PAK5: variants seen among roughly 807,000 people sequenced by gnomAD.
PAK5 encodes serine/threonine-protein kinase PAK 5.
A neutral mutation model predicts 65.9 loss-of-function variants in PAK5; 16 were observed. The ratio of observed to expected loss-of-function variants is 0.24; its 90% CI spans 0.16 to 0.37. The LOEUF is 0.37. Among genes scored for constraint, PAK5 ranks in the 10% least tolerant of loss-of-function variants. The pLI is 1.00. For missense variants in PAK5, 785 were observed against 903.9 expected (o/e 0.87, Z 1.69); for synonymous variants, 371 against 354.9 (o/e 1.05, Z -0.51).
intron 1 of PAK5, among the ~76,000 whole-genome samples, chr20:9,746,314 T>C (rs2048507474): frequency 6.6e-6 from 1 of 152,114 alleles, no homozygotes; most frequent in African/African-American, 2.4e-5. Context: ...ATCACCTACA[T>C]CCCTGCCCAG....
chr20:9,593,806 A>ATC (rs140675565), intron 3 of PAK5, among the ~76,000 whole-genome samples: 35 of 147,520 alleles, frequency 2.4e-4, no homozygotes, highest in Middle Eastern at 7.4e-3. Flanking sequence ...TATCCCAAGG[A>ATC]TCTCTCTCTC....
chr20:9,797,884 T>C (rs888230104), intron 1 of PAK5, among the ~76,000 whole-genome samples: 1 of 151,948 alleles, frequency 6.6e-6, no homozygotes, highest in African/African-American at 2.4e-5. Context: ...AAATAAAGGA[T>C]TCATCAGTAT....
At chr20:9,784,733 G>C (rs1258334851) in intron 1 of PAK5, among the ~76,000 whole-genome samples, 1 of 151,620 alleles carries the variant, frequency 6.6e-6, no homozygotes, top group Non-Finnish European at 1.5e-5. Flanking sequence ...GAAGACATCA[G>C]ACATAGATGG....
At chr20:9,609,431 C>G (rs953260419) in intron 3 of PAK5, among the ~76,000 whole-genome samples, 2 of 152,196 alleles carry the variant, frequency 1.3e-5, no homozygotes, top group Non-Finnish European at 2.9e-5. Context: ...GAGGGCAAAA[C>G]ATAAGTGTGA....
chr20:9,725,736 T>C (rs2048269289), intron 1 of PAK5, among the ~76,000 whole-genome samples: 1 of 152,136 alleles, frequency 6.6e-6, no homozygotes, highest in Non-Finnish European at 1.5e-5. Context: ...AAGGAAGACA[T>C]TGATGAGCAA....
At chr20:9,707,192 T>TA (rs1343220020) in intron 2 of PAK5, among the ~76,000 whole-genome samples, 2 of 152,076 alleles carry the variant, frequency 1.3e-5, no homozygotes, top group Non-Finnish European at 2.9e-5. Context: ...AGTGCAGTGG[T>TA]ATGATCACAG....
At chr20:9,568,090 C>T (rs13040618) in intron 4 of PAK5, among the ~76,000 whole-genome samples, 28,767 of 151,962 alleles carry the variant, frequency 0.19, 3,056 homozygotes, top group African/African-American at 0.29. Context: ...GAGAAGCTGC[C>T]GGGGGACAGA....
At chr20:9,618,929 T>TG (rs2046719103) in intron 3 of PAK5, among the ~76,000 whole-genome samples, 2 of 106,484 alleles carry the variant, frequency 1.9e-5, no homozygotes, top group Admixed American at 1.9e-4. Context: ...TTTTTTTTTT[T>TG]TTTTTTTTTT....
chr20:9,666,131 G>C (rs560003248), intron 2 of PAK5, among the ~76,000 whole-genome samples: 4 of 152,248 alleles, frequency 2.6e-5, no homozygotes, highest in Non-Finnish European at 5.9e-5. Context: ...GAAAAGTAGA[G>C]TTCAGCACTA....
chr20:9,760,491 A>G (rs1440741394), intron 1 of PAK5, among the ~76,000 whole-genome samples: 1 of 151,798 alleles, frequency 6.6e-6, no homozygotes, highest in Non-Finnish European at 1.5e-5. Context: ...CATTAATTCT[A>G]CAAATCTACT....
chr20:9,585,212 A>G (rs2046048334), intron 3 of PAK5, among the ~76,000 whole-genome samples: 1 of 152,150 alleles, frequency 6.6e-6, no homozygotes, highest in Admixed American at 6.5e-5. Context: ...ATGCCTTCCC[A>G]TCTCTGAATA....
intron 1 of PAK5, among the ~76,000 whole-genome samples, chr20:9,786,313 C>A (rs1383610496): frequency 1.3e-5 from 2 of 152,032 alleles, no homozygotes; most frequent in African/African-American, 4.8e-5. Flanking sequence ...TTCACAGTAT[C>A]TTCCATACTG....
intron 4 of PAK5, chr20:9,577,316 T>TA (rs1177835206): frequency 6.7e-6 from 1 of 150,192 alleles, no homozygotes; most frequent in Non-Finnish European, 1.5e-5. Flanking sequence ...CATTGAAGGA[T>TA]TTTTTTTTTC....
intron 3 of PAK5, among the ~76,000 whole-genome samples, chr20:9,586,211 A>T (rs932176972): frequency 6.6e-6 from 1 of 152,182 alleles, no homozygotes; most frequent in Non-Finnish European, 1.5e-5. Flanking sequence ...TGGGGGGTAG[A>T]CTGTTAGTGT....
rs192713551 is a variant in PAK5, at chr20:9,539,175, C to T, written c.*287G>A. On this transcript the variant is annotated 3_prime_UTR_variant, in exon 10 of 10. Transcript: ENST00000353224. Reference sequence around the variant, plus strand: ...TGCATGTGGCTAGGATATATCATAACGGAGTTTGTACTGAGTCCTTCTGAT... The same window carrying T: ...TGCATGTGGCTAGGATATATCATAATGGAGTTTGTACTGAGTCCTTCTGAT... 21 of 291,166 alleles carry T rather than the reference C, an allele frequency of 7.2e-5. No individual in the cohort carries two copies. Among genetic ancestry groups the T allele is most frequent in the South Asian group, 1.1e-4 (1 of 9,108 alleles). The allele number at this position is 291,166 out of a possible 1,614,324, so 18.0% of individuals were successfully genotyped here. A position where few individuals can be genotyped will look rare whatever the true frequency, so the allele number is the denominator to read the frequency against.
intron 3 of PAK5, among the ~76,000 whole-genome samples, chr20:9,612,964 A>G (rs1192204798): frequency 6.6e-6 from 1 of 152,146 alleles, no homozygotes; most frequent in African/African-American, 2.4e-5. Context: ...AATCCCTATT[A>G]CCTAGAACAG....
intron 1 of PAK5, among the ~76,000 whole-genome samples, chr20:9,774,079 GT>G (rs1222100412): frequency 6.6e-6 from 1 of 152,188 alleles, no homozygotes; most frequent in African/African-American, 2.4e-5. Context: ...GCTTACTATG[GT>G]AAATGCTTTC....
At chr20:9,598,834 A>G (rs1308346263) in intron 3 of PAK5, among the ~76,000 whole-genome samples, 1 of 152,164 alleles carries the variant, frequency 6.6e-6, no homozygotes, top group Non-Finnish European at 1.5e-5. Flanking sequence ...ATTTGAATAA[A>G]TGCTTATTGT....
intron 3 of PAK5, among the ~76,000 whole-genome samples, chr20:9,622,642 T>A (rs2046786665): frequency 6.6e-6 from 1 of 152,208 alleles, no homozygotes; most frequent in Non-Finnish European, 1.5e-5. Flanking sequence ...GAGCTCTGCC[T>A]CTTGTCAGAT....
Sources: gnomAD v4.1 joint callset for allele counts (sites outside exome capture counted in the v4.1 genomes callset) on GRCh38, gnomAD v4.1.1 for gene constraint, MANE v1.5 for transcripts, NCBI Gene and HGNC (gene_info 2026-07-23, HGNC 2026-07-21) for gene names.